The following ST6GALNAC5 variants were observed in gnomAD, a reference collection of about 807,000 sequenced individuals.
ST6GALNAC5 encodes ST6 N-acetylgalactosaminide alpha-2,6-sialyltransferase 5.
A neutral mutation model predicts 33.6 loss-of-function variants in ST6GALNAC5; 27 were observed. The ratio of observed to expected loss-of-function variants is 0.80; its 90% CI spans 0.59 to 1.11. ST6GALNAC5 has a LOEUF of 1.11. Among genes scored for constraint, ST6GALNAC5 ranks in the 50% least tolerant of loss-of-function variants. ST6GALNAC5 has a pLI of 0.00. For synonymous variants in ST6GALNAC5, 194 were observed against 171.2 expected (o/e 1.13, Z -1.04); for missense variants, 428 against 454.0 (o/e 0.94, Z 0.52).
At chr1:76,985,317 C>A (rs531207805) in intron 2 of ST6GALNAC5, among the ~76,000 whole-genome samples, 1 of 152,308 alleles carries the variant, frequency 6.6e-6, no homozygotes, top group East Asian at 1.9e-4. Flanking sequence ...TCAGCAAAAT[C>A]TCAGGATACA....
chr1:76,983,243 C>T (rs1649331987), intron 2 of ST6GALNAC5, among the ~76,000 whole-genome samples: 1 of 152,166 alleles, frequency 6.6e-6, no homozygotes, highest in African/African-American at 2.4e-5. Context: ...CAAGACCCAT[C>T]AGTGTGCTGT....
intron 2 of ST6GALNAC5, among the ~76,000 whole-genome samples, chr1:77,032,627 G>A (rs1570117953): frequency 6.6e-6 from 1 of 152,174 alleles, no homozygotes; most frequent in East Asian, 1.9e-4. Context: ...CTATAGATGA[G>A]AAAACTGAGA....
chr1:77,011,806 T>C (rs940237400), intron 2 of ST6GALNAC5, among the ~76,000 whole-genome samples: 7 of 152,140 alleles, frequency 4.6e-5, no homozygotes, highest in Admixed American at 4.6e-4. Context: ...TAGTAACATT[T>C]TTATTTTGTA....
intron 2 of ST6GALNAC5, among the ~76,000 whole-genome samples, chr1:76,987,482 T>C (rs1649556171): frequency 6.6e-6 from 1 of 152,140 alleles, no homozygotes. Context: ...CCCTCATACG[T>C]TGCTGGTCAG....
At position 76,868,194 on chromosome 1, in the gene ST6GALNAC5, CA is replaced by C. The variant is rs893414066; in HGVS notation, c.16-300del. Among the ~76,000 whole-genome samples the C allele has an allele frequency of 6.6e-6, 1 of 152,090 alleles. No homozygotes were observed. The highest frequency in any genetic ancestry group is 1.5e-5 in the Non-Finnish European group (1 of 67,992). On this transcript the variant is annotated intron_variant, in intron 1 of 4. Coordinates refer to ENST00000477717, the MANE Select transcript of ST6GALNAC5 (RefSeq NM_030965.3). This position sits in a 1 kb window ranked among gnomAD's most constrained non-coding sequence, Gnocchi z 4.3. ...GCCAGACGGGCCCTTCCCCAAAGTG[CA>C]AACCCACCCCTGTCCTCGGCCCCGG...
chr1:76,972,585 A>G (rs1165461159), intron 2 of ST6GALNAC5, among the ~76,000 whole-genome samples: 1 of 152,182 alleles, frequency 6.6e-6, no homozygotes, highest in African/African-American at 2.4e-5. Flanking sequence ...TCCCTTACTT[A>G]TAACATTTTG....
At chr1:77,034,848 G>A (rs1651591525) in intron 2 of ST6GALNAC5, among the ~76,000 whole-genome samples, 1 of 152,198 alleles carries the variant, frequency 6.6e-6, no homozygotes, top group African/African-American at 2.4e-5. Flanking sequence ...TTTTCGGTGA[G>A]TACCCAGTGA....
chr1:76,948,861 A>G (rs1017583306), intron 2 of ST6GALNAC5, among the ~76,000 whole-genome samples: 1 of 152,054 alleles, frequency 6.6e-6, no homozygotes, highest in African/African-American at 2.4e-5. Context: ...TAGCTGGGCC[A>G]TTTTACATTC....
At chr1:76,917,711 T>C (rs1646990075) in intron 2 of ST6GALNAC5, among the ~76,000 whole-genome samples, 1 of 152,116 alleles carries the variant, frequency 6.6e-6, no homozygotes, top group African/African-American at 2.4e-5. Flanking sequence ...CTTATGTGAT[T>C]ATGAGGCTAA....
At chr1:76,896,480 C>G (rs1654138908) in intron 2 of ST6GALNAC5, among the ~76,000 whole-genome samples, 1 of 152,090 alleles carries the variant, frequency 6.6e-6, no homozygotes. Context: ...GTGGCTTGTA[C>G]TATAGCATAG....
At chr1:76,961,953 T>G (rs926839104) in intron 2 of ST6GALNAC5, among the ~76,000 whole-genome samples, 1 of 152,210 alleles carries the variant, frequency 6.6e-6, no homozygotes, top group Non-Finnish European at 1.5e-5. Context: ...AAATAAAGAC[T>G]GGCCCACAGA....
intron 2 of ST6GALNAC5, among the ~76,000 whole-genome samples, chr1:76,954,550 A>G (rs1269433919): frequency 6.6e-6 from 1 of 152,134 alleles, no homozygotes; most frequent in African/African-American, 2.4e-5. Flanking sequence ...TTGAGAGGAA[A>G]AAAAGAAAGA....
At chr1:76,969,954 A>G (rs1648674762) in intron 2 of ST6GALNAC5, among the ~76,000 whole-genome samples, 1 of 152,120 alleles carries the variant, frequency 6.6e-6, no homozygotes, top group Non-Finnish European at 1.5e-5. Flanking sequence ...CCTGCGGATG[A>G]CTGTTAGAAG....
At position 77,006,327 on chromosome 1, in the gene ST6GALNAC5, T is replaced by A. The variant is rs1019712354; in HGVS notation, c.262-37877T>A. On this transcript the variant is annotated intron_variant, in intron 2 of 4. Transcript: ENST00000477717. The stretch of plus-strand genomic sequence containing the variant: ...ATGCCACTACACCCGGCTAATTTTT[T>A]TTTTTTTTTTTTTTTTTTGAGACAG... Among the ~76,000 whole-genome samples, 3 of 143,148 alleles carry A rather than the reference T, an allele frequency of 2.1e-5. No homozygotes were observed. In the East Asian group the frequency reaches 6.2e-4, roughly 30 times the overall value. The allele number at this position is 143,148 out of a possible 152,430, so 93.9% of individuals were successfully genotyped here. A position where few individuals can be genotyped will look rare whatever the true frequency, so the allele number is the denominator to read the frequency against.
In ST6GALNAC5 at chr1:77,015,076, CACACACACACAT is replaced by C. The variant is rs1438703658; in HGVS notation, c.262-29127_262-29116del. ...ACACACACACACACACACACACACA[CACACACACACAT>C]GGAGCTTTATTATGAGAAGTTGGCT... is the stretch of plus-strand genomic sequence containing the variant. On this transcript the variant is annotated intron_variant, in intron 2 of 4. Coordinates refer to ENST00000477717, the MANE Select transcript of ST6GALNAC5 (RefSeq NM_030965.3). Among the ~76,000 whole-genome samples, 340 of 131,744 alleles carry C rather than the reference CACACACACACAT, an allele frequency of 2.6e-3. 3 individuals carry two copies. Among genetic ancestry groups the C allele is most frequent in the African/African-American group, 0.011 (320 of 29,858 alleles). 86.4% of individuals were successfully genotyped at this position (131,744 alleles called of 152,430 possible). A position where few individuals can be genotyped will look rare whatever the true frequency, so the allele number is the denominator to read the frequency against.
intron 2 of ST6GALNAC5, among the ~76,000 whole-genome samples, chr1:77,009,331 A>G (rs1186279482): frequency 6.6e-6 from 1 of 152,154 alleles, no homozygotes; most frequent in Non-Finnish European, 1.5e-5. Context: ...CAGGAGTTTC[A>G]TGAGGTAAGA....
chr1:76,940,123 G>A (rs1183668008), intron 2 of ST6GALNAC5, among the ~76,000 whole-genome samples: 1 of 151,206 alleles, frequency 6.6e-6, no homozygotes, highest in African/African-American at 2.4e-5. Flanking sequence ...AACAAAATTA[G>A]CAATTTAATT....
intron 2 of ST6GALNAC5, among the ~76,000 whole-genome samples, chr1:76,916,625 C>T (rs1646977670): frequency 6.6e-6 from 1 of 152,030 alleles, no homozygotes; most frequent in African/African-American, 2.4e-5. Context: ...GGAGAAACCA[C>T]AAGGCTTGAA....
chr1:77,007,003 G>A (rs1650445151), intron 2 of ST6GALNAC5, among the ~76,000 whole-genome samples: 1 of 152,206 alleles, frequency 6.6e-6, no homozygotes, highest in African/African-American at 2.4e-5. Flanking sequence ...AGGGTCCCAA[G>A]AACAGCAAGA....
Sources: allele counts gnomAD v4.1 joint callset (sites outside exome capture counted in the v4.1 genomes callset), GRCh38; gene constraint gnomAD v4.1.1; non-coding constraint Gnocchi (gnomAD v3.1); transcripts MANE v1.5; gene names NCBI Gene and HGNC (gene_info 2026-07-23, HGNC 2026-07-21).